GLYCTK: variants seen among roughly 807,000 people sequenced by gnomAD.
GLYCTK encodes HBeAg binding protein 4.
Under a neutral mutation model 24.8 loss-of-function variants are expected in GLYCTK, and 22 were observed. The ratio of observed to expected loss-of-function variants is 0.89; its 90% CI spans 0.63 to 1.27. The LOEUF is 1.27. GLYCTK is among the 50% of genes most tolerant of loss of function. GLYCTK has a pLI of 0.00. For synonymous variants in GLYCTK, 320 were observed against 297.2 expected (o/e 1.08, Z -0.79); for missense variants, 684 against 686.7 (o/e 1.00, Z 0.04).
rs199610904 is a variant in GLYCTK, at chr3:52,292,869, C to T, written c.1315C>T (p.Leu439=). The T allele has an allele frequency of 4.7e-5, 76 of 1,614,014 alleles. No homozygotes were observed. In the East Asian group the frequency reaches 1.6e-3, roughly 35 times the overall value. The change falls in exon 5 of 5, where the codon CTG becomes TTG. Residue 439 remains leucine, a synonymous_variant. Coordinates refer to ENST00000436784, the MANE Select transcript of GLYCTK (RefSeq NM_145262.4). ...RVGAELRRWP[L]GPIDVLFLSG... ...TGGAGCAGAGTTGAGAAGGTGGCCG[C>T]TGGGGCCGATAGATGTGCTGTTTTT... is the stretch of plus-strand genomic sequence containing the variant.
intron 3 of GLYCTK, 119 bp from the exon 4 acceptor site, chr3:52,291,628 G>T (rs1406515340): frequency 3.2e-6 from 3 of 926,634 alleles, no homozygotes; most frequent in Middle Eastern, 2.4e-4. Flanking sequence ...TATCCACAGG[G>T]GGGCACCCTA....
rs760836671 is a variant in GLYCTK at position 52,290,577 on chromosome 3, C to CA, written c.239dup (p.Asn80LysfsTer19). The CA allele has an allele frequency of 9.9e-6, 16 of 1,613,864 alleles. No individual in the cohort carries two copies. Among genetic ancestry groups the CA allele is most frequent in the Non-Finnish European group, 1.4e-5 (16 of 1,180,032 alleles). ...GCGGGACCGGAACTTTCAGCTGAGG[C>CA]AAAACCTCTACCTGGTGGGCTTTGG... is the stretch of plus-strand genomic sequence containing the variant. On this transcript the variant is annotated frameshift_variant, in exon 2 of 5. Coordinates refer to ENST00000436784, the MANE Select transcript of GLYCTK (RefSeq NM_145262.4). LOFTEE classifies it high-confidence loss of function.
rs749641123 is a variant in GLYCTK at position 52,293,231 on chromosome 3, C to G, written c.*105C>G. ...GCCTCTCTAAGCCTTAGGGCCCCTC[C>G]TCTCCTTGGCCTTGGCTGTTTGGTT... On this transcript the variant is annotated 3_prime_UTR_variant, in exon 5 of 5. Transcript: ENST00000436784. 3.4e-6 allele frequency: 4 copies of G among 1,160,678 alleles called. No individual in the cohort carries two copies. In the Admixed American group the frequency reaches 7.5e-5, roughly 22 times the overall value. The allele number at this position is 1,160,678 out of a possible 1,614,324, so 71.9% of individuals were successfully genotyped here.
In GLYCTK at chr3:52,293,968, C is replaced by G. The variant is rs78371237; in HGVS notation, c.*842C>G. On this transcript the variant is annotated 3_prime_UTR_variant, in exon 5 of 5. Transcript: ENST00000436784. ...AACATCCCTAGTTCCTTCAGCCACTCCTCTGGGGACCAAGTCCAGACCCTG... is the reference window on the plus strand; with the variant it reads ...AACATCCCTAGTTCCTTCAGCCACTGCTCTGGGGACCAAGTCCAGACCCTG... 2.3e-6 allele frequency: 1 copy of G among 442,730 alleles called. No homozygotes were observed. Among genetic ancestry groups the G allele is most frequent in the Non-Finnish European group, 4.6e-6 (1 of 219,470 alleles). The allele number at this position is 442,730 out of a possible 1,614,324, so 27.4% of individuals were successfully genotyped here.
chr3:52,290,533 G>T lies in GLYCTK; in HGVS notation c.191G>T (p.Gly64Val). The T allele has an allele frequency of 6.2e-7, 1 of 1,613,632 alleles. No individual in the cohort carries two copies. The highest frequency in any genetic ancestry group is 8.5e-7 in the Non-Finnish European group (1 of 1,180,020). Reference protein sequence around the residue: ...MLHRALSLDPGGRQLKVRDRN... With the variant: ...MLHRALSLDPVGRQLKVRDRN... The stretch of plus-strand genomic sequence containing the variant: ...CACCGGGCACTATCCTTGGACCCTG[G>T]TGGCAGACAGCTGAAGGTGCGGGAC... Residue 64 changes from glycine to valine, a missense_variant, in exon 2 of 5, where the codon GGT becomes GTT. Physicochemically the swap from Gly to Val is moderately radical, Grantham distance 109 (BLOSUM62 -3). Transcript: ENST00000436784.
Position 52,294,591 on chromosome 3 carries a change from C to T in GLYCTK, c.*1465C>T, listed in dbSNP as rs11708811. The T allele has an allele frequency of 0.094, 38,995 of 413,234 alleles. 2,131 individuals carry two copies. The highest frequency in any genetic ancestry group is 0.11 in the Non-Finnish European group (23,868 of 208,238). The allele number at this position is 413,234 out of a possible 1,614,324, so 25.6% of individuals were successfully genotyped here. A position where few individuals can be genotyped will look rare whatever the true frequency, so the allele number is the denominator to read the frequency against. ...GCACCCCACTGGGATGCGCAGGCAC[C>T]GCTTCCTTTCCTTCTGTGCTGGCAT... On this transcript the variant is annotated 3_prime_UTR_variant, in exon 5 of 5. Coordinates refer to ENST00000436784, the MANE Select transcript of GLYCTK (RefSeq NM_145262.4).
At chr3:52,288,009 A>G (rs1316628841) in intron 1 of GLYCTK, 133 bp downstream of exon 1, 4 of 324,628 alleles carry the variant, frequency 1.2e-5, no homozygotes, top group Non-Finnish European at 2.6e-5. Flanking sequence ...TCCCTCGCTA[A>G]GGCCCTACCT....
rs918065993 is a variant in GLYCTK at position 52,288,016 on chromosome 3, A to G, written c.-40+140A>G. The G allele has an allele frequency of 3.0e-5, 9 of 303,930 alleles. No individual in the cohort carries two copies. The East Asian group carries it at 8.5e-4, about 29-fold the overall frequency. 18.8% of individuals were successfully genotyped at this position (303,930 alleles called of 1,614,324 possible). A position where few individuals can be genotyped will look rare whatever the true frequency, so the allele number is the denominator to read the frequency against. ...CAGCCATTTCCCTCGCTAAGGCCCT[A>G]CCTTAGGATGACGTCACTTCCGGCC... On this transcript the variant is annotated intron_variant, in intron 1 of 4. Coordinates refer to ENST00000436784, the MANE Select transcript of GLYCTK (RefSeq NM_145262.4).
rs999190657 is a variant in GLYCTK at position 52,293,396 on chromosome 3, C to A, written c.*270C>A. ...AGCGTTCCCGTGCTTCTCCCTTGGG[C>A]AGCCTCTCTCTTGAGCCCCTCACCC... On this transcript the variant is annotated 3_prime_UTR_variant, in exon 5 of 5. Transcript: ENST00000436784. The A allele has an allele frequency of 1.5e-6, 1 of 669,890 alleles. No individual in the cohort carries two copies. Among genetic ancestry groups the A allele is most frequent in the Non-Finnish European group, 2.7e-6 (1 of 364,146 alleles). The allele number at this position is 669,890 out of a possible 1,614,324, so 41.5% of individuals were successfully genotyped here.
chr3:52,288,077 CCTT>C (rs1700343054), intron 1 of GLYCTK: 1 of 207,590 alleles, frequency 4.8e-6, no homozygotes, highest in Admixed American at 5.4e-5. Context: ...ATGGTACCAG[CCTT>C]CTTTGATGGC....
In GLYCTK at chr3:52,292,724, G is replaced by C; in HGVS notation, c.1170G>C (p.Glu390Asp). The change falls in exon 5 of 5, where the codon GAG (glutamate) becomes GAC (aspartate). Residue 390 changes from glutamate (E) to aspartate (D), a missense_variant. Glu to Asp is a conservative substitution (Grantham distance 45). Transcript: ENST00000436784. ...ELQIPDLQLE[E>D]ALETMAWGRG... Reference sequence around the variant, plus strand: ...AGATCCCAGACCTGCAGCTGGAGGAGGCTCTGGAGACCATGGCATGGGGAA... The same window carrying C: ...AGATCCCAGACCTGCAGCTGGAGGACGCTCTGGAGACCATGGCATGGGGAA... 1 of 1,608,896 alleles carries C rather than the reference G, an allele frequency of 6.2e-7. No homozygotes were observed. Among genetic ancestry groups the C allele is most frequent in the Non-Finnish European group, 8.5e-7 (1 of 1,177,014 alleles).
At position 52,292,658 on chromosome 3, in the gene GLYCTK, G is replaced by C. The variant is rs1700519126; in HGVS notation, c.1104G>C (p.Val368=). 1 of 1,606,258 alleles carries C rather than the reference G, an allele frequency of 6.2e-7. No individual in the cohort carries two copies. The highest frequency in any genetic ancestry group is 1.3e-5 in the African/African-American group (1 of 74,780). The part of the protein sequence containing the change: ...RLTPSMAGAS[V]EEDAQLHELA... ...CCCCATCCATGGCTGGGGCTTCTGT[G>C]GAGGAAGATGCACAGCTCCATGAGC... is the stretch of plus-strand genomic sequence containing the variant. The change falls in exon 5 of 5, where the codon GTG becomes GTC. Residue 368 remains valine, a synonymous_variant. Coordinates refer to ENST00000436784, the MANE Select transcript of GLYCTK (RefSeq NM_145262.4).
chr3:52,290,627 T>C lies in GLYCTK; in HGVS notation c.285T>C (p.Ala95=). 1 of 1,613,346 alleles carries C rather than the reference T, an allele frequency of 6.2e-7. No homozygotes were observed. The highest frequency in any genetic ancestry group is 8.5e-7 in the Non-Finnish European group (1 of 1,180,000). The change falls in exon 2 of 5, where the codon GCT becomes GCC. Residue 95 remains alanine (A), a synonymous_variant. Coordinates refer to ENST00000436784, the MANE Select transcript of GLYCTK (RefSeq NM_145262.4). ...GFGKAVLGMA[A]AAEELLGQHL... is the part of the protein sequence containing the mutation. ...GCAAGGCTGTGCTGGGTATGGCAGCTGCAGCTGAGGAACTACTGGGCCAGC... is the reference window on the plus strand; with the variant it reads ...GCAAGGCTGTGCTGGGTATGGCAGCCGCAGCTGAGGAACTACTGGGCCAGC...
rs1367459199 is a variant in GLYCTK, at chr3:52,291,728, AC to A, written c.530-16del. On this transcript the variant is annotated intron_variant, in intron 3 of 4. Transcript: ENST00000436784. Reference sequence around the variant, plus strand: ...GGTTGGGATAGCCCCTCTACCTGATACCCTCATTGTCTTGAGAGGTGGGGGT... The same window carrying A: ...GGTTGGGATAGCCCCTCTACCTGATACCTCATTGTCTTGAGAGGTGGGGGT... 5 of 1,612,398 alleles carry A rather than the reference AC, an allele frequency of 3.1e-6. No homozygotes were observed. Among genetic ancestry groups the A allele is most frequent in the Non-Finnish European group, 4.2e-6 (5 of 1,179,326 alleles).
rs1311503405 is a variant in GLYCTK, at chr3:52,290,394, C to G, written c.52C>G (p.Pro18Ala). The G allele has an allele frequency of 6.2e-7, 1 of 1,607,176 alleles. No homozygotes were observed. The highest frequency in any genetic ancestry group is 2.2e-5 in the East Asian group (1 of 44,892). Reference sequence around the variant, plus strand: ...CCGCTTGGCCCGAGCCCCCTTGCATCCACTCCTCTGGCGGGGCTCAGTGGC... The same window carrying G: ...CCGCTTGGCCCGAGCCCCCTTGCATGCACTCCTCTGGCGGGGCTCAGTGGC... ...LPRLARAPLH[P>A]LLWRGSVARL... The change falls in exon 2 of 5, where the codon CCA becomes GCA. Residue 18 changes from proline (P) to alanine (A), a missense_variant. Transcript: ENST00000436784.
rs745374558 is a variant in GLYCTK, at chr3:52,291,127, G to T, written c.529+16G>T. On this transcript the variant is annotated intron_variant, in intron 3 of 4. Coordinates refer to ENST00000436784, the MANE Select transcript of GLYCTK (RefSeq NM_145262.4). ...CTGATCTCAGGTGTGGTACCACATT[G>T]GCCCAAGACTGTTGGTGGGGGGTGC... 7 of 1,607,168 alleles carry T rather than the reference G, an allele frequency of 4.4e-6. No homozygotes were observed. Among genetic ancestry groups the T allele is most frequent in the Non-Finnish European group, 5.9e-6 (7 of 1,179,892 alleles).
At position 52,291,802 on chromosome 3, in the gene GLYCTK, GCAGA is replaced by G. The variant is rs757842031; in HGVS notation, c.588_591del (p.Gln196HisfsTer16). 4.7e-5 allele frequency: 76 copies of G among 1,613,756 alleles called. No homozygotes were observed. The highest frequency in any genetic ancestry group is 6.3e-5 in the Non-Finnish European group (74 of 1,180,022). On this transcript the variant is annotated frameshift_variant, in exon 4 of 5. Transcript: ENST00000436784. LOFTEE classifies it high-confidence loss of function. ...TCCCACCTGTCACACTGGAGGAGAAGCAGACACTCACTAGACTGCTGGCAGCCCG... is the reference window on the plus strand; with the variant it reads ...TCCCACCTGTCACACTGGAGGAGAAGCACTCACTAGACTGCTGGCAGCCCG...
Position 52,292,487 on chromosome 3 carries a change from T to C in GLYCTK, c.933T>C (p.Ser311=). 1 of 1,613,450 alleles carries C rather than the reference T, an allele frequency of 6.2e-7. No homozygotes were observed. Among genetic ancestry groups the C allele is most frequent in the South Asian group, 1.1e-5 (1 of 91,070 alleles). Residue 311 remains serine (S), a synonymous_variant, in exon 5 of 5, where the codon TCT becomes TCC. Coordinates refer to ENST00000436784, the MANE Select transcript of GLYCTK (RefSeq NM_145262.4). ...ATGTCCTGAATGTGATCATTGGCTC[T>C]AATGTGCTGGCGCTAGCTGAGGCCC... ...CGHVLNVIIG[S]NVLALAEAQR...
Position 52,291,929 on chromosome 3 carries a change from G to C in GLYCTK, c.705+7G>C. 6.2e-7 allele frequency: 1 copy of C among 1,610,380 alleles called. No homozygotes were observed. The highest frequency in any genetic ancestry group is 1.3e-5 in the African/African-American group (1 of 75,000). ...GGCCGCCTACCCTGCCCAGGTATGAGTCCCTTCTTCCCCAGGCAACCTTGG... is the reference window on the plus strand; with the variant it reads ...GGCCGCCTACCCTGCCCAGGTATGACTCCCTTCTTCCCCAGGCAACCTTGG... On this transcript the variant is annotated splice_region_variant and intron_variant, in intron 4 of 4. Coordinates refer to ENST00000436784, the MANE Select transcript of GLYCTK (RefSeq NM_145262.4).
Sources: allele counts gnomAD v4.1 joint callset, GRCh38; gene constraint gnomAD v4.1.1; transcripts MANE v1.5; gene names NCBI Gene and HGNC (gene_info 2026-07-23, HGNC 2026-07-21).